ZNF239: variants seen among roughly 807,000 people sequenced by gnomAD.
The protein encoded by ZNF239 is zinc finger protein (C2H2) homologous to mouse MOK-2.
ZNF239 carries 16 observed loss-of-function variants against 27.5 expected under a neutral mutation model. That is an observed-to-expected ratio of 0.58 (90% CI 0.39 to 0.88). The LOEUF is 0.88. ZNF239 is among the 40% of genes least tolerant of loss of function. The pLI is 0.00. For missense variants in ZNF239, 527 were observed against 551.9 expected, an observed-to-expected ratio of 0.95 and a Z score of 0.45; for synonymous variants, 199 against 192.6, an observed-to-expected ratio of 1.03 and a Z score of -0.27.
In ZNF239 at chr10:43,557,386, C is replaced by A. The variant is rs750128810; in HGVS notation, c.694G>T (p.Glu232Ter). The A allele has an allele frequency of 6.2e-7, 1 of 1,614,058 alleles. No homozygotes were observed. Among genetic ancestry groups the A allele is most frequent in the African/African-American group, 1.3e-5 (1 of 74,926 alleles). ...LLLHQRDHTE[E>*]KPYKCEQCGK... ...CATTGCTCACATTTGTAGGGTTTTT[C>A]TTCTGTGTGGTCTCTCTGATGAAGT... Residue 232 changes from glutamate to a stop codon, truncating the protein, a stop_gained, in exon 4 of 4, where the codon GAA becomes TAA. Transcript: ENST00000374446. LOFTEE classifies it high-confidence loss of function.
chr10:43,556,693 CTAA>C lies in ZNF239; in HGVS notation c.*7_*9del, dbSNP rs747903063. On this transcript the variant is annotated 3_prime_UTR_variant, in exon 4 of 4. Transcript: ENST00000374446. ...TGAGCGCTGTGAAGACCTGAATGGGCTAATGTCAGTTAGCGAGGATCTTTCTTG... is the reference window on the plus strand; with the variant it reads ...TGAGCGCTGTGAAGACCTGAATGGGCTGTCAGTTAGCGAGGATCTTTCTTG... 1 of 1,610,004 alleles carries C rather than the reference CTAA, an allele frequency of 6.2e-7. No individual in the cohort carries two copies. Among genetic ancestry groups the C allele is most frequent in the Non-Finnish European group, 8.5e-7 (1 of 1,177,850 alleles).
chr10:43,557,623 TAC>T lies in ZNF239; in HGVS notation c.455_456del (p.Cys152Ter), dbSNP rs1404969424. ...QLKESLDPID[C>X]NCKDIHGWKS... Reference sequence around the variant, plus strand: ...TTCCATCCATGAATGTCTTTGCAGTTACAGTCAATGGGATCCAAAGATTCTTT... The same window carrying T: ...TTCCATCCATGAATGTCTTTGCAGTTAGTCAATGGGATCCAAAGATTCTTT... On this transcript the variant is annotated frameshift_variant, in exon 4 of 4. Transcript: ENST00000374446. LOFTEE classifies it high-confidence loss of function. The T allele has an allele frequency of 1.2e-6, 2 of 1,614,200 alleles. No individual in the cohort carries two copies. The highest frequency in any genetic ancestry group is 8.5e-7 in the Non-Finnish European group (1 of 1,180,034).
intron 3 of ZNF239, among the ~76,000 whole-genome samples, chr10:43,567,228 G>T (rs905183909): frequency 6.6e-6 from 1 of 152,166 alleles, no homozygotes; most frequent in Non-Finnish European, 1.5e-5. Context: ...TTTTTGGGAG[G>T]GGAGAGGGAT....
At chr10:43,570,687 AC>A (rs1363875312) in intron 2 of ZNF239, 1 of 935,982 alleles carries the variant, frequency 1.1e-6, no homozygotes, top group East Asian at 1.2e-4. Flanking sequence ...CCAATGTGTT[AC>A]CTCTTTTCCA....
At chr10:43,565,240 C>G (rs998109498) in intron 3 of ZNF239, among the ~76,000 whole-genome samples, 2 of 152,056 alleles carry the variant, frequency 1.3e-5, no homozygotes, top group African/African-American at 4.8e-5. Flanking sequence ...CCCGCCACCA[C>G]GCCCAGCTAA....
intron 3 of ZNF239, among the ~76,000 whole-genome samples, chr10:43,562,590 G>A (rs560929802): frequency 6.6e-6 from 1 of 152,278 alleles, no homozygotes; most frequent in Non-Finnish European, 1.5e-5. Context: ...ATATTGTCTG[G>A]AGTAGGAAGA....
In ZNF239 at chr10:43,557,375, G is replaced by A. The variant is rs768257959; in HGVS notation, c.705C>T (p.Tyr235=). 1.2e-6 allele frequency: 2 copies of A among 1,614,190 alleles called. No individual in the cohort carries two copies. The highest frequency in any genetic ancestry group is 8.5e-7 in the Non-Finnish European group (1 of 1,180,032). Residue 235 remains tyrosine (Y), a synonymous_variant, in exon 4 of 4, where the codon TAC becomes TAT. Transcript: ENST00000374446. Reference sequence around the variant, plus strand: ...AGCCCTTCCCACATTGCTCACATTTGTAGGGTTTTTCTTCTGTGTGGTCTC... The same window carrying A: ...AGCCCTTCCCACATTGCTCACATTTATAGGGTTTTTCTTCTGTGTGGTCTC... ...HQRDHTEEKP[Y]KCEQCGKGFT...
rs1428121377 is a variant in ZNF239 at position 43,557,691 on chromosome 10, GGCGAGGCCAGTTCT to G, written c.375_388del (p.Gln125HisfsTer6). ...GCAAGTTGCCTCACCATTTAACAAT[GGCGAGGCCAGTTCT>G]TGTCCATCAGACACCAGTTTAACTT... On this transcript the variant is annotated frameshift_variant, in exon 4 of 4. Coordinates refer to ENST00000374446, the MANE Select transcript of ZNF239 (RefSeq NM_001099282.2). LOFTEE classifies it high-confidence loss of function. The G allele has an allele frequency of 1.9e-6, 3 of 1,614,090 alleles. No homozygotes were observed. In the Admixed American group the frequency reaches 5.0e-5, roughly 27 times the overall value.
chr10:43,566,092 C>A (rs2132279945), intron 3 of ZNF239, among the ~76,000 whole-genome samples: 1 of 152,284 alleles, frequency 6.6e-6, no homozygotes, highest in East Asian at 1.9e-4. Context: ...AGCACAGGCA[C>A]TGGGTTTATA....
At chr10:43,569,771 C>T (rs1442197201) in intron 2 of ZNF239, among the ~76,000 whole-genome samples, 1 of 152,078 alleles carries the variant, frequency 6.6e-6, no homozygotes, top group African/African-American at 2.4e-5. Flanking sequence ...GATTTAAATT[C>T]CCCAAGAATA....
intron 2 of ZNF239, among the ~76,000 whole-genome samples, chr10:43,571,367 G>A (rs140677200): frequency 6.6e-6 from 1 of 150,986 alleles, no homozygotes; most frequent in African/African-American, 2.4e-5. Context: ...TCTATAGTAA[G>A]CCCTAACTTA....
At chr10:43,573,415 TGAG>T (rs1164512522) in intron 2 of ZNF239, among the ~76,000 whole-genome samples, 89 of 152,326 alleles carry the variant, frequency 5.8e-4, no homozygotes, top group African/African-American at 1.9e-3. Flanking sequence ...CCCACTGCTC[TGAG>T]GAGTGGAATA....
chr10:43,563,762 A>T (rs530382115), intron 3 of ZNF239, among the ~76,000 whole-genome samples: 102 of 152,200 alleles, frequency 6.7e-4, no homozygotes, highest in African/African-American at 2.1e-3. Context: ...AGAGCACACC[A>T]TTCCTTGATA....
chr10:43,557,982 C>T lies in ZNF239; in HGVS notation c.98G>A (p.Trp33Ter), dbSNP rs1420304620. Residue 33 changes from tryptophan (W) to a stop codon, truncating the protein, a stop_gained, in exon 4 of 4, where the codon TGG becomes TAG. Coordinates refer to ENST00000374446, the MANE Select transcript of ZNF239 (RefSeq NM_001099282.2). LOFTEE classifies it low-confidence loss of function (END_TRUNC). ...PELDISPCQQWGEASSPISRN... is the reference protein window; with the variant it reads ...PELDISPCQQ ...GGAAATAGGAGAAGATGCTTCTCCC[C>T]ACTGTTGACAAGGGGAAATATCTAG... 1 of 1,614,138 alleles carries T rather than the reference C, an allele frequency of 6.2e-7. No homozygotes were observed. Among genetic ancestry groups the T allele is most frequent in the Non-Finnish European group, 8.5e-7 (1 of 1,179,992 alleles).
chr10:43,558,092 T>A lies in ZNF239; in HGVS notation c.-13A>T. On this transcript the variant is annotated 5_prime_UTR_variant, in exon 4 of 4. It removes the in-frame stop codon of an upstream open reading frame in the 5' UTR. Coordinates refer to ENST00000374446, the MANE Select transcript of ZNF239 (RefSeq NM_001099282.2). ...TTGTACTGGCCATGCCTTCCAAAAC[T>A]AGCCAGGAGGAAAGCTCATGTAACA... The A allele has an allele frequency of 6.2e-7, 1 of 1,604,376 alleles. No homozygotes were observed. The highest frequency in any genetic ancestry group is 8.5e-7 in the Non-Finnish European group (1 of 1,174,194).
chr10:43,571,550 G>C (rs1838038040), intron 2 of ZNF239, among the ~76,000 whole-genome samples: 1 of 151,934 alleles, frequency 6.6e-6, no homozygotes, highest in Non-Finnish European at 1.5e-5. Flanking sequence ...AAGGATAGGG[G>C]CTACACTCAA....
chr10:43,559,436 G>T (rs1837059017), intron 3 of ZNF239, among the ~76,000 whole-genome samples: 1 of 152,202 alleles, frequency 6.6e-6, no homozygotes, highest in African/African-American at 2.4e-5. Flanking sequence ...GAGGCACCAA[G>T]CCTGTTCCTT....
chr10:43,565,166 C>A (rs575647806), intron 3 of ZNF239, among the ~76,000 whole-genome samples: 2 of 152,142 alleles, frequency 1.3e-5, no homozygotes, highest in Non-Finnish European at 2.9e-5. Flanking sequence ...TCACTGCAAC[C>A]TCCACCTTCC....
intron 2 of ZNF239, chr10:43,568,296 A>C (rs890783591): frequency 1.0e-6 from 1 of 985,274 alleles, no homozygotes; most frequent in Non-Finnish European, 1.2e-6. Flanking sequence ...TTCTTGTGTC[A>C]TTGCTGAGTT....
Sources: gnomAD v4.1 joint callset for allele counts (sites outside exome capture counted in the v4.1 genomes callset) on GRCh38, gnomAD v4.1.1 for gene constraint, MANE v1.5 for transcripts, NCBI Gene and HGNC (gene_info 2026-07-23, HGNC 2026-07-21) for gene names.